The following GPBP1L1 variants were observed in gnomAD, a reference collection of about 807,000 sequenced individuals.
GPBP1L1 encodes the protein GC-rich promoter binding protein 1 like 1.
In GPBP1L1, 23 loss-of-function variants were observed where a neutral mutation model predicts 52.5. The observed-to-expected ratio is 0.44, with a 90% CI of 0.32 to 0.62. GPBP1L1 has a LOEUF of 0.62. GPBP1L1 is among the 20% of genes least tolerant of loss of function. The probability of loss-of-function intolerance (pLI) is 0.06; values close to 1 mark genes in which losing one functional copy is unlikely to be tolerated. For missense variants in GPBP1L1, 596 were observed against 579.3 expected, an observed-to-expected ratio of 1.03 and a Z score of -0.30; for synonymous variants, 243 against 203.1, an observed-to-expected ratio of 1.20 and a Z score of -1.67.
intron 2 of GPBP1L1, among the ~76,000 whole-genome samples, chr1:45,683,773 T>C (rs1157458970): frequency 8.1e-6 from 1 of 123,772 alleles, no homozygotes; most frequent in Admixed American, 7.9e-5. Context: ...AAAAAAAAAA[T>C]TAGCTGGGTG....
At chr1:45,662,223 A>G (rs1312700222) in intron 2 of GPBP1L1, among the ~76,000 whole-genome samples, 2 of 152,184 alleles carry the variant, frequency 1.3e-5, no homozygotes, top group Non-Finnish European at 2.9e-5. Flanking sequence ...TTGAACTCCC[A>G]GGCTTAAGCA....
At chr1:45,658,529 T>G (rs984693722) in intron 4 of GPBP1L1, among the ~76,000 whole-genome samples, 2 of 152,304 alleles carry the variant, frequency 1.3e-5, no homozygotes, top group Admixed American at 1.3e-4. Context: ...AGTAATAAGG[T>G]AGACATTCAT....
chr1:45,659,022 C>T lies in GPBP1L1; in HGVS notation c.60+6G>A. ...GAGAAGTTACTACAGGAATGGAGAACAGTACCTTAGCTGACTGTGGTGTTG... is the reference window on the plus strand; with the variant it reads ...GAGAAGTTACTACAGGAATGGAGAATAGTACCTTAGCTGACTGTGGTGTTG... On this transcript the variant is annotated splice_donor_region_variant and intron_variant, in intron 4 of 12. Coordinates refer to ENST00000355105, the MANE Select transcript of GPBP1L1 (RefSeq NM_021639.5). 2 of 1,583,398 alleles carry T rather than the reference C, an allele frequency of 1.3e-6. No homozygotes were observed. Among genetic ancestry groups the T allele is most frequent in the South Asian group, 2.2e-5 (2 of 90,494 alleles).
intron 2 of GPBP1L1, among the ~76,000 whole-genome samples, chr1:45,680,365 A>G (rs2148519920): frequency 6.6e-6 from 1 of 151,638 alleles, no homozygotes; most frequent in South Asian, 2.1e-4. Flanking sequence ...CAGCCTCCAG[A>G]GCAGCTGGGA....
At chr1:45,631,902 G>A (rs1457898823) in intron 10 of GPBP1L1, among the ~76,000 whole-genome samples, 1 of 151,786 alleles carries the variant, frequency 6.6e-6, no homozygotes, top group Non-Finnish European at 1.5e-5. Context: ...CAGCCTGGGC[G>A]ACAGAGTGAG....
chr1:45,628,447 T>A, intron 12 of GPBP1L1, 39 bp from the exon 13 acceptor site: 1 of 1,598,276 alleles, frequency 6.3e-7, no homozygotes, highest in South Asian at 1.1e-5. Flanking sequence ...AAGAAAAAAA[T>A]ATCAATGACT....
At chr1:45,637,778 A>C (rs187666483) in intron 8 of GPBP1L1, among the ~76,000 whole-genome samples, 2 of 152,288 alleles carry the variant, frequency 1.3e-5, no homozygotes. Flanking sequence ...AATGGGACAA[A>C]CATAAGTTGT....
chr1:45,629,348 T>C (rs1188301949), intron 12 of GPBP1L1, among the ~76,000 whole-genome samples: 1 of 152,070 alleles, frequency 6.6e-6, no homozygotes, highest in Non-Finnish European at 1.5e-5. Flanking sequence ...GAGCATACTA[T>C]TTTTTGGAAT....
At chr1:45,640,651 C>G (rs920423547) in intron 7 of GPBP1L1, among the ~76,000 whole-genome samples, 1 of 152,192 alleles carries the variant, frequency 6.6e-6, no homozygotes, top group Non-Finnish European at 1.5e-5. Context: ...AAGATGTTAG[C>G]AGTCCTTCAG....
At chr1:45,628,992 T>A (rs144239902) in intron 12 of GPBP1L1, among the ~76,000 whole-genome samples, 1 of 152,226 alleles carries the variant, frequency 6.6e-6, no homozygotes, top group African/African-American at 2.4e-5. Context: ...GAGTTCTAAG[T>A]GGCAAGGTCT....
intron 2 of GPBP1L1, among the ~76,000 whole-genome samples, chr1:45,667,927 C>CG (rs1234586067): frequency 4.6e-5 from 7 of 151,956 alleles, no homozygotes; most frequent in African/African-American, 1.7e-4. Flanking sequence ...TTAGTAGAGA[C>CG]GGAGTTTCAC....
At chr1:45,677,618 T>C (rs1035702458) in intron 2 of GPBP1L1, among the ~76,000 whole-genome samples, 2 of 151,348 alleles carry the variant, frequency 1.3e-5, no homozygotes, top group Non-Finnish European at 3.0e-5. Flanking sequence ...AAGAAAAAAA[T>C]ATAAACAAAC....
At chr1:45,677,084 C>T (rs1163359336) in intron 2 of GPBP1L1, among the ~76,000 whole-genome samples, 1 of 151,972 alleles carries the variant, frequency 6.6e-6, no homozygotes, top group Non-Finnish European at 1.5e-5. Flanking sequence ...GCCTGTAATC[C>T]CAGCACTTTG....
Position 45,628,063 on chromosome 1 carries a change from C to A in GPBP1L1, c.*193G>T. On this transcript the variant is annotated 3_prime_UTR_variant, in exon 13 of 13. Transcript: ENST00000355105. ...TCTGTCCCACCACACAAACTTCTCT[C>A]TATAAAGCAGATAACAGGGAAGAAC... The A allele has an allele frequency of 1.7e-6, 1 of 590,662 alleles. No homozygotes were observed. Among genetic ancestry groups the A allele is most frequent in the Admixed American group, 3.0e-5 (1 of 32,934 alleles). 36.6% of individuals were successfully genotyped at this position (590,662 alleles called of 1,614,324 possible). A position where few individuals can be genotyped will look rare whatever the true frequency, so the allele number is the denominator to read the frequency against.
intron 2 of GPBP1L1, among the ~76,000 whole-genome samples, chr1:45,661,685 C>A (rs1329071120): frequency 6.6e-6 from 1 of 151,996 alleles, no homozygotes; most frequent in African/African-American, 2.4e-5. Context: ...TCGAACTCGA[C>A]TTTGTGATCC....
chr1:45,630,665 C>A (rs1644518768), intron 10 of GPBP1L1, 59 bp from the exon 11 acceptor site: 17 of 1,579,274 alleles, frequency 1.1e-5, no homozygotes, highest in Admixed American at 1.8e-5. Context: ...GTAATATAAG[C>A]AACCTATGAA....
intron 7 of GPBP1L1, among the ~76,000 whole-genome samples, chr1:45,641,421 CAAAA>C (rs1303750446): frequency 6.6e-6 from 1 of 150,926 alleles, no homozygotes; most frequent in Non-Finnish European, 1.5e-5. Flanking sequence ...CAAAACAAAA[CAAAA>C]AACCACAAAC....
At chr1:45,648,803 G>T (rs1349443471) in intron 6 of GPBP1L1, among the ~76,000 whole-genome samples, 3 of 152,162 alleles carry the variant, frequency 2.0e-5, no homozygotes, top group African/African-American at 4.8e-5. Context: ...TGAGGCAGGC[G>T]GATCACTTGA....
intron 2 of GPBP1L1, among the ~76,000 whole-genome samples, chr1:45,672,534 T>C (rs915032025): frequency 7.2e-6 from 1 of 138,072 alleles, no homozygotes; most frequent in Non-Finnish European, 1.6e-5. Context: ...ACTCTTTTTA[T>C]ACACATGTTA....
Sources: gnomAD v4.1 joint callset for allele counts (sites outside exome capture counted in the v4.1 genomes callset) on GRCh38, gnomAD v4.1.1 for gene constraint, MANE v1.5 for transcripts, NCBI Gene and HGNC (gene_info 2026-07-23, HGNC 2026-07-21) for gene names.